KCNH8: variants seen among roughly 807,000 people sequenced by gnomAD.
KCNH8 encodes the protein potassium voltage-gated channel subfamily H member 8.
Under a neutral mutation model 103.6 loss-of-function variants are expected in KCNH8, and 70 were observed. That is an observed-to-expected ratio of 0.68 (90% CI 0.56 to 0.82). The LOEUF is 0.82. Among genes scored for constraint, KCNH8 ranks in the 40% least tolerant of loss-of-function variants. The pLI is 0.00. For synonymous variants in KCNH8, 498 were observed against 489.4 expected, an observed-to-expected ratio of 1.02 and a Z score of -0.23; for missense variants, 1,217 against 1,329.9, an observed-to-expected ratio of 0.92 and a Z score of 1.32.
chr3:19,397,975 C>G (rs1240484409), intron 7 of KCNH8, among the ~76,000 whole-genome samples: 6 of 151,908 alleles, frequency 3.9e-5, no homozygotes, highest in Non-Finnish European at 7.4e-5. Context: ...AATCTGTGCA[C>G]TAATGGTAAA....
intron 3 of KCNH8, among the ~76,000 whole-genome samples, chr3:19,291,350 A>G (rs372031440): frequency 2.4e-4 from 36 of 152,154 alleles, no homozygotes; most frequent in East Asian, 9.7e-4. Flanking sequence ...TGTCAATTTT[A>G]GATCTTTCCT....
chr3:19,445,395 G>A (rs1413723883), intron 8 of KCNH8, among the ~76,000 whole-genome samples: 1 of 151,808 alleles, frequency 6.6e-6, no homozygotes. Context: ...ATCTCGGGTG[G>A]TGGGAGGTAG....
Position 19,255,533 on chromosome 3 carries a change from G to A in KCNH8, c.310+1646G>A, listed in dbSNP as rs374751583. Among the ~76,000 whole-genome samples, 7 of 152,134 alleles carry A rather than the reference G, an allele frequency of 4.6e-5. No homozygotes were observed. In the South Asian group the frequency reaches 6.2e-4, roughly 14 times the overall value. On this transcript the variant is annotated intron_variant, in intron 2 of 15. Coordinates refer to ENST00000328405, the MANE Select transcript of KCNH8 (RefSeq NM_144633.3). ...AGGAGTGGTAAGAGAGAGCATCCTC[G>A]TCTTGTGCTGGTTTTCAAGGGGAAA...
chr3:19,245,609 A>G (rs2064194473), intron 1 of KCNH8, among the ~76,000 whole-genome samples: 1 of 152,132 alleles, frequency 6.6e-6, no homozygotes, highest in African/African-American at 2.4e-5. Flanking sequence ...ATTTATTTAT[A>G]TCATCTCTGA....
chr3:19,476,643 T>C (rs929459715), intron 11 of KCNH8, among the ~76,000 whole-genome samples: 1 of 152,156 alleles, frequency 6.6e-6, no homozygotes, highest in African/African-American at 2.4e-5. Context: ...TCCCAAATCA[T>C]TGATTTGGGG....
At chr3:19,382,347 T>TA (rs1021089944) in intron 5 of KCNH8, among the ~76,000 whole-genome samples, 41 of 152,260 alleles carry the variant, frequency 2.7e-4, no homozygotes, top group Middle Eastern at 6.8e-3. Flanking sequence ...CCTAGTTGGG[T>TA]AACCTTCAGC....
At chr3:19,496,987 T>TA (rs1216678772) in intron 11 of KCNH8, among the ~76,000 whole-genome samples, 1 of 152,180 alleles carries the variant, frequency 6.6e-6, no homozygotes, top group Non-Finnish European at 1.5e-5. Flanking sequence ...CATAGAGGTA[T>TA]ATGTGTCCAG....
intron 1 of KCNH8, among the ~76,000 whole-genome samples, chr3:19,208,661 C>T (rs2063739871): frequency 1.3e-5 from 2 of 151,904 alleles, no homozygotes; most frequent in South Asian, 2.1e-4. Flanking sequence ...AATAAGAGGA[C>T]AATAAAATGC....
chr3:19,416,975 G>A (rs1481880148), intron 7 of KCNH8, among the ~76,000 whole-genome samples: 1 of 151,890 alleles, frequency 6.6e-6, no homozygotes, highest in Non-Finnish European at 1.5e-5. Context: ...GGATTTAAGA[G>A]TTATAGCCTG....
intron 11 of KCNH8, among the ~76,000 whole-genome samples, chr3:19,505,432 C>A (rs1013143477): frequency 6.1e-4 from 92 of 152,014 alleles, no homozygotes; most frequent in African/African-American, 2.2e-3. Context: ...TAAACGTGCA[C>A]ATGTACCCCT....
Position 19,513,169 on chromosome 3 carries a change from C to G in KCNH8, c.2279C>G (p.Thr760Arg). 6.2e-7 allele frequency: 1 copy of G among 1,613,942 alleles called. No individual in the cohort carries two copies. The change falls in exon 13 of 16, where the codon ACG becomes AGG. Residue 760 changes from threonine (T) to arginine (R), a missense_variant. Transcript: ENST00000328405. ...GLSLKQLASG[T>R]VPFHSPIRVS... is the part of the protein sequence containing the mutation. The stretch of plus-strand genomic sequence containing the variant: ...AGCTTAAAGCAACTGGCCTCGGGAA[C>G]GGTGCCCTTTCACTCGCCTATCAGA...
chr3:19,213,969 TG>T (rs2063794461), intron 1 of KCNH8, among the ~76,000 whole-genome samples: 2 of 152,188 alleles, frequency 1.3e-5, no homozygotes, highest in African/African-American at 4.8e-5. Flanking sequence ...GAGGTAGGCA[TG>T]GCTAGCACCC....
intron 13 of KCNH8, among the ~76,000 whole-genome samples, chr3:19,514,377 ACT>A (rs1447266297): frequency 1.3e-4 from 20 of 152,066 alleles, no homozygotes; most frequent in African/African-American, 4.8e-4. Context: ...ATATTGCTTA[ACT>A]CTTCTTCCTA....
intron 1 of KCNH8, among the ~76,000 whole-genome samples, chr3:19,251,394 A>G (rs768597205): frequency 6.6e-6 from 1 of 151,978 alleles, no homozygotes; most frequent in Admixed American, 6.6e-5. Context: ...ATGCTTTCAG[A>G]GGGGGAGAGT....
chr3:19,226,129 A>C (rs1414214640), intron 1 of KCNH8, among the ~76,000 whole-genome samples: 1 of 152,210 alleles, frequency 6.6e-6, no homozygotes, highest in East Asian at 1.9e-4. Context: ...TGTAAGGCAT[A>C]ATTTGAAAAA....
intron 11 of KCNH8, among the ~76,000 whole-genome samples, chr3:19,497,276 T>C (rs2068463591): frequency 6.6e-6 from 1 of 152,174 alleles, no homozygotes; most frequent in South Asian, 2.1e-4. Context: ...TTATTTCTTA[T>C]CTCCTGCTAT....
chr3:19,415,404 C>CTTTTTTT (rs36068858), intron 7 of KCNH8, among the ~76,000 whole-genome samples: 1 of 120,800 alleles, frequency 8.3e-6, no homozygotes, highest in Non-Finnish European at 1.8e-5. Flanking sequence ...TCTCAATGAG[C>CTTTTTTT]TTTTTTTTTT....
intron 1 of KCNH8, among the ~76,000 whole-genome samples, chr3:19,162,238 G>A (rs962389511): frequency 2.6e-5 from 4 of 151,918 alleles, no homozygotes; most frequent in Admixed American, 1.3e-4. Context: ...AAGGCCAGGC[G>A]TGGTGGTCCA....
intron 15 of KCNH8, among the ~76,000 whole-genome samples, chr3:19,524,746 A>G (rs533468552): frequency 5.9e-5 from 9 of 151,948 alleles, no homozygotes; most frequent in African/African-American, 1.4e-4. Flanking sequence ...CTAAATGGAT[A>G]TATCAGTAAG....
Sources: allele counts gnomAD v4.1 joint callset (sites outside exome capture counted in the v4.1 genomes callset), GRCh38; gene constraint gnomAD v4.1.1; transcripts MANE v1.5; gene names NCBI Gene and HGNC (gene_info 2026-07-23, HGNC 2026-07-21).